Variants in WDR90 observed in about 807,000 individuals in gnomAD.
The protein encoded by WDR90 is WD repeat domain 90.
A neutral mutation model predicts 195.2 loss-of-function variants in WDR90; 238 were observed. The observed-to-expected ratio is 1.22, with a 90% CI of 1.10 to 1.36. The LOEUF is 1.36. Ranked by LOEUF, WDR90 falls within the 40% of genes most tolerant of loss-of-function variation. The pLI is 0.00. For missense variants in WDR90, 2,734 were observed against 2,439.5 expected (o/e 1.12, Z -2.54); for synonymous variants, 1,265 against 1,052.4 (o/e 1.20, Z -3.91).
chr16:652,611 G>A (rs2151178108), intron 10 of WDR90, 76 bp downstream of exon 10: 1 of 1,453,924 alleles, frequency 6.9e-7, no homozygotes, highest in East Asian at 2.5e-5. Context: ...GGGGAGAGAG[G>A]AGAGACCTAT....
In WDR90 at chr16:658,579, C is replaced by A; in HGVS notation, c.2821C>A (p.Arg941Ser). ...CPSLTLSEDA[R>S]FLLIAAGRTI... Reference sequence around the variant, plus strand: ...CTCCTTGACGCTCAGTGAGGACGCCCGCTTCCTGCTGATTGCCGCCGGCCG... The same window carrying A: ...CTCCTTGACGCTCAGTGAGGACGCCAGCTTCCTGCTGATTGCCGCCGGCCG... Residue 941 changes from arginine (R) to serine (S), a missense_variant, in exon 23 of 41, where the codon CGC (arginine) becomes AGC (serine). Arg to Ser is a moderately radical substitution (Grantham distance 110). Coordinates refer to ENST00000293879, the MANE Select transcript of WDR90 (RefSeq NM_145294.5). 6.2e-7 allele frequency: 1 copy of A among 1,612,736 alleles called. No homozygotes were observed. The highest frequency in any genetic ancestry group is 8.5e-7 in the Non-Finnish European group (1 of 1,179,924).
At position 664,529 on chromosome 16, in the gene WDR90, G is replaced by A. The variant is rs190767388; in HGVS notation, c.4312-1150G>A. Among the ~76,000 whole-genome samples the A allele has an allele frequency of 3.6e-3, 542 of 152,308 alleles. 1 individual carries two copies. The highest frequency in any genetic ancestry group is 0.012 in the African/African-American group (494 of 41,568). On this transcript the variant is annotated intron_variant, in intron 34 of 40. Coordinates refer to ENST00000293879, the MANE Select transcript of WDR90 (RefSeq NM_145294.5). ...GCCTTCCTGTGATGTGGAAGTGCGA[G>A]GAATTCTGGGCCCCGCCTGTGTGGT...
chr16:659,199 C>T (rs767077773), intron 25 of WDR90, 46 bp from the exon 26 acceptor site: 11 of 1,610,186 alleles, frequency 6.8e-6, no homozygotes, highest in East Asian at 6.7e-5. Flanking sequence ...TGCCTAGTGG[C>T]CCTTCCTCTT....
chr16:649,516 C>T lies in WDR90; in HGVS notation c.10+90C>T. The T allele has an allele frequency of 9.5e-6, 12 of 1,264,852 alleles. No individual in the cohort carries two copies. In the South Asian group the frequency reaches 3.2e-4, roughly 34 times the overall value. 78.4% of individuals were successfully genotyped at this position (1,264,852 alleles called of 1,614,324 possible). ...CGGCCGGAGCGCTCAGGGCCCCCGC[C>T]TAGGCCCTGAGGCCAGAGTCCCCGC... On this transcript the variant is annotated intron_variant, in intron 1 of 40. Transcript: ENST00000293879.
rs766153233 is a variant in WDR90 at position 651,187 on chromosome 16, C to T, written c.669-12C>T. 2.1e-5 allele frequency: 34 copies of T among 1,613,120 alleles called. No homozygotes were observed. The East Asian group carries it at 5.8e-4, about 27-fold the overall frequency. On this transcript the variant is annotated splice_polypyrimidine_tract_variant and intron_variant, in intron 6 of 40. Coordinates refer to ENST00000293879, the MANE Select transcript of WDR90 (RefSeq NM_145294.5). Reference sequence around the variant, plus strand: ...GGGCCCCCAGACACTGACTCTCCCTCTGCCTGCCAAGGTTTCCAAGTGAGA... The same window carrying T: ...GGGCCCCCAGACACTGACTCTCCCTTTGCCTGCCAAGGTTTCCAAGTGAGA...
chr16:656,219 CTG>C, intron 17 of WDR90, 81 bp from the exon 18 acceptor site: 1 of 1,303,186 alleles, frequency 7.7e-7, no homozygotes, highest in Non-Finnish European at 1.1e-6. Context: ...AGTGCATTTG[CTG>C]GGGTGTCGGG....
chr16:662,174 C>T, intron 32 of WDR90, 46 bp from the exon 33 acceptor site: 3 of 1,520,508 alleles, frequency 2.0e-6, no homozygotes, highest in African/African-American at 2.8e-5. Context: ...GACCCAGGGC[C>T]TCTGGGAAGG....
Position 650,719 on chromosome 16 carries a change from G to A in WDR90, c.559+10G>A, listed in dbSNP as rs369524175. ...CTGTGCTTTGAGCCTGGTGAGGGCC[G>A]CACCTGCACTCCCCACTCCATATCT... On this transcript the variant is annotated intron_variant, in intron 5 of 40. Coordinates refer to ENST00000293879, the MANE Select transcript of WDR90 (RefSeq NM_145294.5). 3.2e-5 allele frequency: 52 copies of A among 1,601,022 alleles called. No homozygotes were observed. Among genetic ancestry groups the A allele is most frequent in the Non-Finnish European group, 3.9e-5 (46 of 1,170,548 alleles).
chr16:665,976 C>T lies in WDR90; in HGVS notation c.4461C>T (p.Pro1487=), dbSNP rs1197266521. ...GCTGCCTCTGCCTGGCATGGAGCCC[C>T]CCGTGCTGTGGCCGCCCTGAGCAGC... is the stretch of plus-strand genomic sequence containing the variant. ...NQSCLCLAWS[P]PCCGRPEQQR... The change falls in exon 36 of 41, where the codon CCC becomes CCT. Residue 1487 remains proline (P), a synonymous_variant. Transcript: ENST00000293879. 4 of 1,600,122 alleles carry T rather than the reference C, an allele frequency of 2.5e-6. No individual in the cohort carries two copies. In the South Asian group the frequency reaches 3.3e-5, roughly 13 times the overall value.
At chr16:657,685 C>T (rs1287210852) in intron 20 of WDR90, 77 bp from the exon 21 acceptor site, 32 of 1,438,000 alleles carry the variant, frequency 2.2e-5, no homozygotes, top group Admixed American at 2.9e-5. Context: ...GGGGCAGGGG[C>T]GGCGGCCTCC....
In WDR90 at chr16:655,806, C is replaced by A; in HGVS notation, c.1883C>A (p.Ser628Tyr). ...ATTGCCATCAGCAGCCTCAGCGTCT[C>A]CCCGGCCATGTGTGCTGTGGGCTCT... ...PGIAISSLSV[S>Y]PAMCAVGSED... is the part of the protein sequence containing the mutation. The change falls in exon 17 of 41, where the codon TCC (serine) becomes TAC (tyrosine). Residue 628 changes from serine to tyrosine, a missense_variant. By Grantham distance (144) the Ser-to-Tyr change is moderately radical. Coordinates refer to ENST00000293879, the MANE Select transcript of WDR90 (RefSeq NM_145294.5). 1 of 1,592,030 alleles carries A rather than the reference C, an allele frequency of 6.3e-7. No individual in the cohort carries two copies. The highest frequency in any genetic ancestry group is 1.8e-5 in the Admixed American group (1 of 56,554).
At position 662,635 on chromosome 16, in the gene WDR90, C is replaced by T. The variant is rs745878314; in HGVS notation, c.4146-44C>T. The T allele has an allele frequency of 5.9e-6, 9 of 1,517,334 alleles. No homozygotes were observed. In the Admixed American group the frequency reaches 6.5e-5, roughly 11 times the overall value. The allele number at this position is 1,517,334 out of a possible 1,614,324, so 94.0% of individuals were successfully genotyped here. On this transcript the variant is annotated intron_variant, in intron 33 of 40. Coordinates refer to ENST00000293879, the MANE Select transcript of WDR90 (RefSeq NM_145294.5). ...GACCCAGCTGGCTCTTGTCATCGGC[C>T]TTGAGACCCATTGTTCTCTCCTTCC... is the stretch of plus-strand genomic sequence containing the variant.
At chr16:665,838 G>T in intron 35 of WDR90, 37 bp downstream of exon 35, 2 of 1,557,388 alleles carry the variant, frequency 1.3e-6, no homozygotes, top group Non-Finnish European at 1.7e-6. Context: ...GCGGGATGGG[G>T]GCCTGCTCAG....
At chr16:659,690 C>A (rs2037852304) in intron 26 of WDR90, among the ~76,000 whole-genome samples, 1 of 152,216 alleles carries the variant, frequency 6.6e-6, no homozygotes, top group African/African-American at 2.4e-5. Context: ...AGGCCTCAGG[C>A]CCACCTGTGC....
intron 23 of WDR90, 107 bp downstream of exon 23, chr16:658,760 G>A (rs2037818529): frequency 1.3e-6 from 2 of 1,555,018 alleles, no homozygotes; most frequent in East Asian, 4.6e-5. Context: ...AAGGTGAGGG[G>A]TGAGAGTGAC....
At position 657,835 on chromosome 16, in the gene WDR90, C is replaced by T; in HGVS notation, c.2547C>T (p.Ala849=). 1 of 1,582,960 alleles carries T rather than the reference C, an allele frequency of 6.3e-7. No homozygotes were observed. Among genetic ancestry groups the T allele is most frequent in the Non-Finnish European group, 8.6e-7 (1 of 1,165,128 alleles). ...LAVSRDGRLL[A]FVGPSRCTVT... Reference sequence around the variant, plus strand: ...TCAGCAGGGATGGCCGCCTGCTGGCCTTTGTGGGACCCTCCAGGTGCACAG... The same window carrying T: ...TCAGCAGGGATGGCCGCCTGCTGGCTTTTGTGGGACCCTCCAGGTGCACAG... The change falls in exon 21 of 41, where the codon GCC becomes GCT. Residue 849 remains alanine (A), a synonymous_variant. Coordinates refer to ENST00000293879, the MANE Select transcript of WDR90 (RefSeq NM_145294.5).
At chr16:657,430 G>A in intron 20 of WDR90, 2 of 898,530 alleles carry the variant, frequency 2.2e-6, no homozygotes, top group South Asian at 3.6e-5. Context: ...GTCAGCTCGG[G>A]TCTGTGCCCA....
chr16:666,281 G>T lies in WDR90; in HGVS notation c.4671G>T (p.Gly1557=), dbSNP rs1377691227. ...GLVAVSHPCT[G]TTFRVLSDHQ... is the part of the protein sequence containing the mutation. ...TGGCTGTGAGCCACCCCTGCACAGG[G>T]ACAACCTTCCGTGTGCTGAGTGACC... Residue 1557 remains glycine, a synonymous_variant, in exon 37 of 41, where the codon GGG becomes GGT. Transcript: ENST00000293879. The T allele has an allele frequency of 6.2e-7, 1 of 1,612,750 alleles. No individual in the cohort carries two copies. Among genetic ancestry groups the T allele is most frequent in the Non-Finnish European group, 8.5e-7 (1 of 1,179,988 alleles).
rs769937055 is a variant in WDR90, at chr16:661,619, C to T, written c.3696C>T (p.Leu1232=). Residue 1232 remains leucine, a synonymous_variant, in exon 31 of 41, where the codon CTC becomes CTT. Coordinates refer to ENST00000293879, the MANE Select transcript of WDR90 (RefSeq NM_145294.5). ...VTLGDHDGRT[L]ALWGTATYDL... ...CAGGGGACCACGATGGCCGCACCCT[C>T]GCCCTGTGGGGCACGGCCACCTATG... 43 of 1,598,030 alleles carry T rather than the reference C, an allele frequency of 2.7e-5. No individual in the cohort carries two copies. The highest frequency in any genetic ancestry group is 8.5e-5 in the Admixed American group (5 of 58,930).
Sources: gnomAD v4.1 joint callset for allele counts (sites outside exome capture counted in the v4.1 genomes callset) on GRCh38, gnomAD v4.1.1 for gene constraint, MANE v1.5 for transcripts, NCBI Gene and HGNC (gene_info 2026-07-23, HGNC 2026-07-21) for gene names.